KCTD18: variants seen among roughly 807,000 people sequenced by gnomAD.
The protein encoded by KCTD18 is BTB/POZ domain-containing protein KCTD18.
Under a neutral mutation model 30.4 loss-of-function variants are expected in KCTD18, and 22 were observed. That is an observed-to-expected ratio of 0.72 (90% CI 0.52 to 1.03). The LOEUF (loss-of-function observed/expected upper bound fraction) is 1.03. KCTD18 is among the 50% of genes least tolerant of loss of function. The pLI is 0.00. For synonymous variants in KCTD18, 186 were observed against 209.0 expected (o/e 0.89, Z 0.95); for missense variants, 529 against 547.6 (o/e 0.97, Z 0.34).
chr2:200,507,362 C>T (rs977714895), intron 1 of KCTD18, among the ~76,000 whole-genome samples: 10 of 152,214 alleles, frequency 6.6e-5, no homozygotes, highest in Admixed American at 2.6e-4. Context: ...CTCTGTCACA[C>T]AGCAAACAAA....
At chr2:200,494,323 A>G (rs73042300) in intron 5 of KCTD18, among the ~76,000 whole-genome samples, 23,620 of 152,220 alleles carry the variant, frequency 0.16, 1,909 homozygotes, top group Non-Finnish European at 0.18. Context: ...ATACCAATGA[A>G]ATGTATGCTT....
intron 6 of KCTD18, among the ~76,000 whole-genome samples, chr2:200,491,614 A>T (rs959374110): frequency 6.6e-6 from 1 of 152,212 alleles, no homozygotes; most frequent in South Asian, 2.1e-4. Context: ...ACAGTCATGG[A>T]CAAACCTTCA....
intron 6 of KCTD18, among the ~76,000 whole-genome samples, 163 bp downstream of exon 6, chr2:200,493,009 A>T (rs932050973): frequency 5.3e-5 from 8 of 152,186 alleles, no homozygotes; most frequent in African/African-American, 1.9e-4. Context: ...TGGTAACTTT[A>T]TATTTATCAA....
chr2:200,499,367 C>T (rs1007034642), intron 3 of KCTD18, among the ~76,000 whole-genome samples: 2 of 152,098 alleles, frequency 1.3e-5, no homozygotes, highest in African/African-American at 4.8e-5. Flanking sequence ...TTATTTCTTA[C>T]TCTTTTAGTC....
At chr2:200,499,579 G>A (rs2088052512) in intron 3 of KCTD18, among the ~76,000 whole-genome samples, 1 of 151,840 alleles carries the variant, frequency 6.6e-6, no homozygotes. Flanking sequence ...ACTAAACCAG[G>A]AAGAAGTTGA....
intron 3 of KCTD18, 104 bp from the exon 4 acceptor site, chr2:200,499,188 T>G: frequency 1.3e-6 from 1 of 751,160 alleles, no homozygotes; most frequent in Non-Finnish European, 2.1e-6. Flanking sequence ...TAGTTGATCA[T>G]AAGGGAAATA....
chr2:200,503,892 T>C (rs1193843764), intron 3 of KCTD18, among the ~76,000 whole-genome samples: 1 of 152,176 alleles, frequency 6.6e-6, no homozygotes, highest in East Asian at 1.9e-4. Flanking sequence ...ATAACACATA[T>C]AATACTTTCA....
In KCTD18 at chr2:200,505,525, G is replaced by A. The variant is rs76364138; in HGVS notation, c.161-566C>T. Among the ~76,000 whole-genome samples, 314 of 152,298 alleles carry A rather than the reference G, an allele frequency of 2.1e-3. 1 individual carries two copies. The highest frequency in any genetic ancestry group is 7.2e-3 in the African/African-American group (299 of 41,566). ...CTGAGATCCATTTAGAACTTTGGAT[G>A]CAATGACTATATTCCCACAATGGCC... On this transcript the variant is annotated intron_variant, in intron 2 of 6. Coordinates refer to ENST00000359878, the MANE Select transcript of KCTD18 (RefSeq NM_152387.4).
intron 5 of KCTD18, 23 bp from the exon 6 acceptor site, chr2:200,493,297 T>C: frequency 7.5e-7 from 1 of 1,329,884 alleles, no homozygotes; most frequent in Middle Eastern, 1.8e-4. Context: ...AAGACATAAT[T>C]AAGACAGCTA....
intron 3 of KCTD18, among the ~76,000 whole-genome samples, chr2:200,503,035 GAAAAAAAA>G (rs1208626767): frequency 5.2e-5 from 3 of 58,108 alleles, no homozygotes; most frequent in South Asian, 6.0e-4. Flanking sequence ...CATCTCAAAA[GAAAAAAAA>G]AAAAAAAAAA....
chr2:200,495,888 C>G (rs1030503007), intron 5 of KCTD18: 5 of 151,558 alleles, frequency 3.3e-5, no homozygotes, highest in Non-Finnish European at 7.4e-5. Context: ...TTGTGTTTAA[C>G]ATTTATGCCT....
intron 3 of KCTD18, among the ~76,000 whole-genome samples, chr2:200,499,846 A>G (rs2088058202): frequency 6.7e-6 from 1 of 148,478 alleles, no homozygotes; most frequent in South Asian, 2.2e-4. Context: ...TTTTAGACCA[A>G]TATCCTTGAT....
chr2:200,497,891 T>G (rs1188965651), intron 4 of KCTD18, 44 bp from the exon 5 acceptor site: 1 of 1,294,258 alleles, frequency 7.7e-7, no homozygotes, highest in African/African-American at 1.5e-5. Context: ...TACCTAGGTA[T>G]GGATGTGCAT....
At chr2:200,491,058 T>TC (rs765998468) in intron 6 of KCTD18, among the ~76,000 whole-genome samples, 3 of 151,966 alleles carry the variant, frequency 2.0e-5, no homozygotes, top group East Asian at 1.9e-4. Context: ...TGGCTGCATG[T>TC]CCCCCCCGAA....
At chr2:200,497,946 A>G in intron 4 of KCTD18, 99 bp from the exon 5 acceptor site, 1 of 853,036 alleles carries the variant, frequency 1.2e-6, no homozygotes, top group Non-Finnish European at 1.9e-6. Flanking sequence ...TTGTTAATTA[A>G]GGGAAAAAAC....
chr2:200,495,500 C>T (rs2087985595), intron 5 of KCTD18, among the ~76,000 whole-genome samples: 1 of 152,118 alleles, frequency 6.6e-6, no homozygotes, highest in South Asian at 2.1e-4. Context: ...AGAATATGAA[C>T]AATTGTGATG....
At chr2:200,504,709 T>A (rs200584336) in intron 3 of KCTD18, 39 bp downstream of exon 3, 2 of 1,417,260 alleles carry the variant, frequency 1.4e-6, no homozygotes, top group Non-Finnish European at 2.0e-6. Context: ...TTGTGCATCA[T>A]AAATATATAT....
intron 6 of KCTD18, among the ~76,000 whole-genome samples, chr2:200,491,483 ATAT>A (rs531202903): frequency 3.1e-3 from 478 of 152,318 alleles, no homozygotes; most frequent in Admixed American, 6.6e-3. Flanking sequence ...TCATGTTAAC[ATAT>A]TAAAGATTAT....
At chr2:200,494,885 G>A (rs569353054) in intron 5 of KCTD18, among the ~76,000 whole-genome samples, 3 of 152,226 alleles carry the variant, frequency 2.0e-5, no homozygotes, top group Admixed American at 6.5e-5. Context: ...TTTCTGAAAT[G>A]TCATATAAAT....
Sources: allele counts gnomAD v4.1 joint callset (sites outside exome capture counted in the v4.1 genomes callset), GRCh38; gene constraint gnomAD v4.1.1; transcripts MANE v1.5; gene names NCBI Gene and HGNC (gene_info 2026-07-23, HGNC 2026-07-21).